The following MTCL1 variants were observed in gnomAD, a reference collection of about 807,000 sequenced individuals.
MTCL1 encodes the protein microtubule crosslinking factor 1, also known as microtubule cross-linking factor 1.
MTCL1 carries 79 observed loss-of-function variants against 141.4 expected under a neutral mutation model. The ratio of observed to expected loss-of-function variants is 0.56; its 90% CI spans 0.47 to 0.67. The LOEUF (loss-of-function observed/expected upper bound fraction) is 0.67. Ranked by LOEUF, MTCL1 falls within the 30% of genes least tolerant of loss-of-function variation. The probability of loss-of-function intolerance (pLI) is 0.00; values close to 1 mark genes in which losing one functional copy is unlikely to be tolerated. For synonymous variants in MTCL1, 914 were observed against 875.8 expected (o/e 1.04, Z -0.77); for missense variants, 2,177 against 2,113.9 (o/e 1.03, Z -0.59).
chr18:8,806,100 C>A (rs2076288205), intron 10 of MTCL1, among the ~76,000 whole-genome samples: 1 of 152,130 alleles, frequency 6.6e-6, no homozygotes, highest in South Asian at 2.1e-4. Flanking sequence ...GTGCCAAATA[C>A]TGGAAATGTG....
rs530102340 is a variant in MTCL1 at position 8,831,125 on chromosome 18, T to C, written c.*19-482T>C. On this transcript the variant is annotated intron_variant, in intron 16 of 16. Transcript: ENST00000359865. ...CAGAGTTCGTTTAAGACGACTGCCA[T>C]TGCTAACACAGCTGAATGAAATCAG... is the stretch of plus-strand genomic sequence containing the variant. The C allele has an allele frequency of 8.5e-5, 84 of 988,016 alleles. No homozygotes were observed. The Middle Eastern group carries it at 2.1e-3, about 25-fold the overall frequency. The allele number at this position is 988,016 out of a possible 1,614,324, so 61.2% of individuals were successfully genotyped here. A position where few individuals can be genotyped will look rare whatever the true frequency, so the allele number is the denominator to read the frequency against.
chr18:8,831,954 G>A lies in MTCL1; in HGVS notation c.*366G>A. Reference sequence around the variant, plus strand: ...CACAAAGCTGCTGAATGTTCAACCTGTGAAACTGAGATGTTTCTAGAATGA... The same window carrying A: ...CACAAAGCTGCTGAATGTTCAACCTATGAAACTGAGATGTTTCTAGAATGA... On this transcript the variant is annotated 3_prime_UTR_variant, in exon 17 of 17. Transcript: ENST00000359865. The A allele has an allele frequency of 4.5e-6, 4 of 886,276 alleles. 1 individual carries two copies. The South Asian group carries it at 7.0e-5, about 16-fold the overall frequency. 54.9% of individuals were successfully genotyped at this position (886,276 alleles called of 1,614,324 possible).
At chr18:8,773,410 G>A (rs1341555920) in intron 4 of MTCL1, among the ~76,000 whole-genome samples, 5 of 152,226 alleles carry the variant, frequency 3.3e-5, no homozygotes, top group Admixed American at 6.5e-5. Flanking sequence ...TTTATTGGCC[G>A]TTTGTTTATT....
In MTCL1 at chr18:8,828,520, A is replaced by G. The variant is rs955458778; in HGVS notation, c.4723-388A>G. On this transcript the variant is annotated intron_variant, in intron 15 of 16. Transcript: ENST00000359865. This position sits in a 1 kb window ranked among gnomAD's most constrained non-coding sequence, Gnocchi z 5.2. ...TGACCGAAACAAACGCAGCCGTATAATAGTCTCTGTTTTAGATACCAGTCA... is the reference window on the plus strand; with the variant it reads ...TGACCGAAACAAACGCAGCCGTATAGTAGTCTCTGTTTTAGATACCAGTCA... Among the ~76,000 whole-genome samples, 4 of 152,250 alleles carry G rather than the reference A, an allele frequency of 2.6e-5. No homozygotes were observed. The highest frequency in any genetic ancestry group is 1.3e-4 in the Admixed American group (2 of 15,284).
intron 4 of MTCL1, among the ~76,000 whole-genome samples, chr18:8,731,292 G>A (rs1185631037): frequency 6.6e-6 from 1 of 151,788 alleles, no homozygotes; most frequent in Non-Finnish European, 1.5e-5. Context: ...AATTAAAATA[G>A]GCTGGGCACG....
At chr18:8,821,614 G>T in intron 14 of MTCL1, 116 bp downstream of exon 13, 1 of 538,630 alleles carries the variant, frequency 1.9e-6, no homozygotes, top group Non-Finnish European at 3.3e-6. Flanking sequence ...TTAAAATTAT[G>T]CCACTTCTGA....
intron 3 of MTCL1, among the ~76,000 whole-genome samples, chr18:8,719,768 C>T (rs774510564): frequency 1.3e-5 from 2 of 152,100 alleles, no homozygotes; most frequent in Non-Finnish European, 1.5e-5. Flanking sequence ...CAGGGTCTCA[C>T]TGTGTTTCCC....
intron 7 of MTCL1, chr18:8,786,457 G>C (rs1392803098): frequency 2.2e-6 from 1 of 445,032 alleles, no homozygotes; most frequent in Non-Finnish European, 4.4e-6. Context: ...CCCTGCTCTG[G>C]AGGAAACTCT....
chr18:8,714,238 C>T (rs1015355781), upstream of MTCL1, among the ~76,000 whole-genome samples: 5 of 152,132 alleles, frequency 3.3e-5, no homozygotes, highest in African/African-American at 1.2e-4. Context: ...AGATGTGAAG[C>T]TTTGGACACA....
At chr18:8,784,630 G>A (rs1307904676) in exon 6 of MTCL1, 2 of 1,613,798 alleles carry the variant, frequency 1.2e-6, no homozygotes, top group Admixed American at 1.7e-5. Context: ...AGGGGGACCA[G>A]CAGGAGCCCC....
intron 4 of MTCL1, among the ~76,000 whole-genome samples, chr18:8,762,950 C>A (rs2096440493): frequency 6.6e-6 from 1 of 152,180 alleles, no homozygotes; most frequent in Non-Finnish European, 1.5e-5. Flanking sequence ...AGTTATCTTT[C>A]CGTTTCTGTG....
At chr18:8,718,677 G>T (rs764354958) in intron 3 of MTCL1, 29 bp downstream of exon 2, 6 of 1,599,792 alleles carry the variant, frequency 3.8e-6, no homozygotes, top group Non-Finnish European at 5.1e-6. Flanking sequence ...CGTGCACCTC[G>T]CAAGGCTGCT....
exon 15 of MTCL1, chr18:8,825,644 G>A (rs749044124): frequency 3.1e-6 from 5 of 1,613,986 alleles, no homozygotes; most frequent in Middle Eastern, 1.6e-4. Flanking sequence ...AGAAGGTGCA[G>A]GCCAAGTTTG....
At chr18:8,789,941 T>C (rs539893034) in intron 7 of MTCL1, among the ~76,000 whole-genome samples, 2 of 152,336 alleles carry the variant, frequency 1.3e-5, no homozygotes, top group Non-Finnish European at 2.9e-5. Flanking sequence ...TGGAGTGACG[T>C]TGGCATCCCA....
chr18:8,726,377 A>C (rs900303537), intron 4 of MTCL1, among the ~76,000 whole-genome samples: 2 of 143,430 alleles, frequency 1.4e-5, no homozygotes, highest in Non-Finnish European at 3.0e-5. Flanking sequence ...ATGCTAGTCA[A>C]TTTGGTTCCT....
chr18:8,816,715 G>A (rs199923388), intron 12 of MTCL1, among the ~76,000 whole-genome samples: 8 of 151,926 alleles, frequency 5.3e-5, no homozygotes, highest in Non-Finnish European at 8.8e-5. Context: ...TTTAAAACCT[G>A]TTACAAAGTG....
At chr18:8,804,059 TAATTA>T (rs2076211866) in intron 10 of MTCL1, among the ~76,000 whole-genome samples, 1 of 152,204 alleles carries the variant, frequency 6.6e-6, no homozygotes, top group South Asian at 2.1e-4. Flanking sequence ...AAAATTATTA[TAATTA>T]TTTTCTGCTT....
intron 4 of MTCL1, among the ~76,000 whole-genome samples, chr18:8,776,811 A>G (rs937725630): frequency 1.3e-5 from 2 of 152,166 alleles, no homozygotes; most frequent in Admixed American, 1.3e-4. Context: ...GCTAAAGTAC[A>G]TGGCTATAGG....
intron 4 of MTCL1, among the ~76,000 whole-genome samples, chr18:8,766,457 T>G (rs1017905160): frequency 6.6e-6 from 1 of 152,240 alleles, no homozygotes; most frequent in African/African-American, 2.4e-5. Context: ...AGTGGGGACT[T>G]GCAGACGATA....
Sources: allele counts gnomAD v4.1 joint callset (sites outside exome capture counted in the v4.1 genomes callset), GRCh38; gene constraint gnomAD v4.1.1; non-coding constraint Gnocchi (gnomAD v3.1); transcripts MANE v1.5; gene names NCBI Gene and HGNC (gene_info 2026-07-23, HGNC 2026-07-21).